Variants in DCAF8L2 observed in about 807,000 individuals in gnomAD.
DCAF8L2 encodes the protein DDB1- and CUL4-associated factor 8-like protein 2.
For missense variants in DCAF8L2, 430 were observed against 490.7 expected (o/e 0.88, Z 1.17); for synonymous variants, 200 against 190.9 (o/e 1.05, Z -0.39).
At chrX:27,615,524 A>AATCAATCTATCTATCTATCT (rs1555919234) in intron 1 of DCAF8L2, among the ~76,000 whole-genome samples, 2 of 104,430 alleles carry the variant, frequency 1.9e-5, no homozygotes, top group Admixed American at 2.1e-4. Flanking sequence ...AGATTCTATC[A>AATCAATCTATCTATCTATCT]ATCTATCTAT....
At chrX:27,472,198 T>C in the DCAF8L2 span, among the ~76,000 whole-genome samples, 2 of 111,382 alleles carry the variant, frequency 1.8e-5, no homozygotes, top group African/African-American at 3.3e-5. Context: ...GTCTACGTTA[T>C]AAAATCATCA....
the DCAF8L2 span, among the ~76,000 whole-genome samples, chrX:27,564,191 G>A: frequency 2.7e-5 from 3 of 111,095 alleles, no homozygotes; most frequent in Non-Finnish European, 5.7e-5. Context: ...GCAGCAGCAG[G>A]GAGAAGTGTC....
chrX:27,476,672 T>G, the DCAF8L2 span, among the ~76,000 whole-genome samples: 4 of 111,756 alleles, frequency 3.6e-5, no homozygotes, highest in Admixed American at 3.8e-4. Context: ...AATGATGGAC[T>G]GAATATTTTC....
At chrX:27,470,191 A>G in the DCAF8L2 span, among the ~76,000 whole-genome samples, 1 of 112,512 alleles carries the variant, frequency 8.9e-6, no homozygotes, top group East Asian at 2.8e-4. Flanking sequence ...TAAAATTATA[A>G]TTTTTAAAAC....
At chrX:27,497,180 C>T in the DCAF8L2 span, among the ~76,000 whole-genome samples, 5 of 110,659 alleles carry the variant, frequency 4.5e-5, no homozygotes, top group South Asian at 3.8e-4. Flanking sequence ...AAGCTACACG[C>T]GATAGAATTA....
chrX:27,512,797 A>AAAAAAC, the DCAF8L2 span, among the ~76,000 whole-genome samples: 1 of 97,213 alleles, frequency 1.0e-5, no homozygotes, highest in Non-Finnish European at 2.0e-5. Context: ...AAAAAAAAAA[A>AAAAAAC]AAAAAAAAAA....
At chrX:27,604,532 T>A (rs2147125378) in intron 1 of DCAF8L2, among the ~76,000 whole-genome samples, 1 of 111,588 alleles carries the variant, frequency 9.0e-6, no homozygotes, top group East Asian at 2.8e-4. Flanking sequence ...GTGACTAGTA[T>A]GGAGGTATGG....
chrX:27,505,252 A>C, the DCAF8L2 span, among the ~76,000 whole-genome samples: 1 of 111,288 alleles, frequency 9.0e-6, no homozygotes, highest in African/African-American at 3.3e-5. Flanking sequence ...CCTAGATACG[A>C]ACCCATAGAT....
chrX:27,606,307 A>ATATATATATGAAT lies in DCAF8L2; in HGVS notation c.-342+15876_-342+15877insGAATTATATATAT, dbSNP rs1336813959. On this transcript the variant is annotated intron_variant, in intron 1 of 4. Transcript: ENST00000451261. ...TATAGGAATTATATATATATGAATT[A>ATATATATATGAAT]TATATATATAGGAATTATATATATA... is the stretch of plus-strand genomic sequence containing the variant. Among the ~76,000 whole-genome samples the ATATATATATGAAT allele has an allele frequency of 2.0e-4, 15 of 73,446 alleles. No homozygotes were observed. In the East Asian group the frequency reaches 4.5e-3, roughly 22 times the overall value. The allele number at this position is 73,446 out of a possible 115,157, so 63.8% of individuals were successfully genotyped here. A position where few individuals can be genotyped will look rare whatever the true frequency, so the allele number is the denominator to read the frequency against.
At chrX:27,585,020 G>A in the DCAF8L2 span, among the ~76,000 whole-genome samples, 2 of 106,020 alleles carry the variant, frequency 1.9e-5, no homozygotes, top group African/African-American at 7.2e-5. Context: ...TTGAGGTTGA[G>A]AACCCTGGTG....
the DCAF8L2 span, among the ~76,000 whole-genome samples, chrX:27,540,613 A>G: frequency 8.9e-6 from 1 of 111,840 alleles, no homozygotes; most frequent in Non-Finnish European, 1.9e-5. Flanking sequence ...TAATGGATAT[A>G]TAAGTACAAT....
intron 2 of DCAF8L2, among the ~76,000 whole-genome samples, chrX:27,653,122 G>A (rs1193871278): frequency 8.9e-6 from 1 of 111,912 alleles, no homozygotes; most frequent in Non-Finnish European, 1.9e-5. Context: ...GATGCACTGC[G>A]TGGAATGGTG....
intron 2 of DCAF8L2, among the ~76,000 whole-genome samples, chrX:27,639,867 A>ACT (rs1173803212): frequency 9.0e-6 from 1 of 111,582 alleles, no homozygotes; most frequent in Non-Finnish European, 1.9e-5. Context: ...TTCATTGAAC[A>ACT]CTGTATCAAC....
the DCAF8L2 span, among the ~76,000 whole-genome samples, chrX:27,499,689 G>T: frequency 9.0e-6 from 1 of 110,746 alleles, no homozygotes; most frequent in East Asian, 2.9e-4. Flanking sequence ...AGCGAAGGGG[G>T]AAGTGCTACA....
Position 27,635,786 on chromosome X carries a change from C to CGTGTGTGT in DCAF8L2, c.-220+3824_-220+3831dup, listed in dbSNP as rs754830405. 7.6e-3 allele frequency among the ~76,000 whole-genome samples: 685 copies of CGTGTGTGT among 90,318 alleles called. 14 individuals are homozygous for CGTGTGTGT. The highest frequency in any genetic ancestry group is 0.024 in the African/African-American group (568 of 23,282). 78.4% of individuals were successfully genotyped at this position (90,318 alleles called of 115,157 possible). On this transcript the variant is annotated intron_variant, in intron 2 of 4. Coordinates refer to ENST00000451261, the MANE Select transcript of DCAF8L2 (RefSeq NM_001353450.2). Reference sequence around the variant, plus strand: ...AACGTATGAAAGCAATTTCCTTTTACGTGTGTGTGTGTGTGTGTGTGTGTG... The same window carrying CGTGTGTGT: ...AACGTATGAAAGCAATTTCCTTTTACGTGTGTGTGTGTGTGTGTGTGTGTGTGTGTGTG...
intron 2 of DCAF8L2, among the ~76,000 whole-genome samples, chrX:27,637,030 G>A (rs2147180219): frequency 9.0e-6 from 1 of 111,728 alleles, no homozygotes; most frequent in African/African-American, 3.2e-5. Flanking sequence ...CACCTACTGA[G>A]AATCTCAGTT....
chrX:27,680,811 A>C (rs181844265), intron 3 of DCAF8L2, among the ~76,000 whole-genome samples: 2 of 112,426 alleles, frequency 1.8e-5, no homozygotes, highest in Non-Finnish European at 3.8e-5. Context: ...GTGGAGATAC[A>C]TTTGAGATCT....
At chrX:27,552,869 T>C in the DCAF8L2 span, among the ~76,000 whole-genome samples, 2 of 112,054 alleles carry the variant, frequency 1.8e-5, no homozygotes, top group African/African-American at 3.2e-5. Flanking sequence ...TTGGGTAGTA[T>C]AGATGTTTTA....
chrX:27,731,518 C>T, intron 4 of DCAF8L2, among the ~76,000 whole-genome samples: 1 of 111,808 alleles, frequency 8.9e-6, no homozygotes, highest in East Asian at 2.8e-4. Context: ...CAAAGACCCT[C>T]TTCCTGAATA....
Sources: gnomAD v4.1 joint callset for allele counts (sites outside exome capture counted in the v4.1 genomes callset) on GRCh38, gnomAD v4.1.1 for gene constraint, MANE v1.5 for transcripts, NCBI Gene and HGNC (gene_info 2026-07-23, HGNC 2026-07-21) for gene names.